The following EIF3E variants were observed in gnomAD, a reference collection of about 807,000 sequenced individuals.
EIF3E encodes the protein eukaryotic translation initiation factor 3 subunit E, also known as eIF-3 p48.
EIF3E carries 25 observed loss-of-function variants against 59.3 expected under a neutral mutation model. That is an observed-to-expected ratio of 0.42 (90% CI 0.31 to 0.59). EIF3E has a LOEUF of 0.59. EIF3E is among the 20% of genes least tolerant of loss of function. The pLI, the probability that EIF3E is intolerant of heterozygous loss-of-function variation, is 0.15. For missense variants in EIF3E, 317 were observed against 534.3 expected (o/e 0.59, Z 4.01); for synonymous variants, 176 against 170.2 (o/e 1.03, Z -0.26).
chr8:108,239,463 A>G (rs944273344), intron 3 of EIF3E, among the ~76,000 whole-genome samples: 1 of 152,120 alleles, frequency 6.6e-6, no homozygotes, highest in Non-Finnish European at 1.5e-5. Context: ...CCACCTCCCC[A>G]AGTGCTGAGA....
At chr8:108,221,616 T>C (rs1815414443) in intron 7 of EIF3E, 1 of 152,164 alleles carries the variant, frequency 6.6e-6, no homozygotes, top group African/African-American at 2.4e-5. Flanking sequence ...GGTAATAAAA[T>C]AACATATAAA....
intron 5 of EIF3E, among the ~76,000 whole-genome samples, chr8:108,231,208 T>C (rs1180338885): frequency 6.6e-6 from 1 of 152,184 alleles, no homozygotes; most frequent in Non-Finnish European, 1.5e-5. Context: ...TTATAAAGGA[T>C]ATCTGAATAT....
intron 4 of EIF3E, 112 bp from the exon 5 acceptor site, chr8:108,235,214 A>T: frequency 3.6e-6 from 2 of 560,406 alleles, no homozygotes; most frequent in Non-Finnish European, 5.9e-6. Context: ...ACCAACTTCT[A>T]ATGTATATTT....
chr8:108,217,297 AT>A (rs772576367), intron 8 of EIF3E, 36 bp downstream of exon 8: 109 of 1,418,268 alleles, frequency 7.7e-5, no homozygotes, highest in Admixed American at 1.3e-4. Context: ...AAGCTTAGGT[AT>A]TTAAAAAAAA....
chr8:108,242,464 C>T lies in EIF3E; in HGVS notation c.91-551G>A. On this transcript the variant is annotated intron_variant, in intron 1 of 12. Coordinates refer to ENST00000220849, the MANE Select transcript of EIF3E (RefSeq NM_001568.3). The stretch of plus-strand genomic sequence containing the variant: ...AAATAGATACATATACACAAACTCA[C>T]AACAACATGAAGTGTACTGAGTAAT... 9 of 1,283,792 alleles carry T rather than the reference C, an allele frequency of 7.0e-6. No individual in the cohort carries two copies. The South Asian group carries it at 1.1e-4, about 16-fold the overall frequency. The allele number at this position is 1,283,792 out of a possible 1,614,324, so 79.5% of individuals were successfully genotyped here. A position where few individuals can be genotyped will look rare whatever the true frequency, so the allele number is the denominator to read the frequency against.
At chr8:108,219,121 T>C (rs1190973452) in intron 7 of EIF3E, among the ~76,000 whole-genome samples, 1 of 152,158 alleles carries the variant, frequency 6.6e-6, no homozygotes, top group Admixed American at 6.5e-5. Context: ...ATGAGACTCA[T>C]CATTAATTTA....
chr8:108,209,982 G>T (rs1031143357), intron 10 of EIF3E, among the ~76,000 whole-genome samples: 1 of 151,876 alleles, frequency 6.6e-6, no homozygotes, highest in Admixed American at 6.6e-5. Flanking sequence ...AAAGGACATA[G>T]GGGGTCTTTT....
chr8:108,242,025 C>T (rs1007804268), intron 1 of EIF3E, 112 bp from the exon 2 acceptor site: 19 of 1,222,406 alleles, frequency 1.6e-5, no homozygotes, highest in South Asian at 1.6e-5. Flanking sequence ...TTATAAAATA[C>T]GATAAACCAT....
intron 7 of EIF3E, among the ~76,000 whole-genome samples, chr8:108,224,620 T>G (rs1054518396): frequency 6.6e-6 from 1 of 151,566 alleles, no homozygotes; most frequent in Non-Finnish European, 1.5e-5. Flanking sequence ...AACACAGTAC[T>G]TTTGTAAACA....
chr8:108,245,433 C>T (rs2129932372), intron 1 of EIF3E, among the ~76,000 whole-genome samples: 1 of 152,320 alleles, frequency 6.6e-6, no homozygotes, highest in African/African-American at 2.4e-5. Context: ...TGTGCCACTG[C>T]ACTCCAGCTT....
At chr8:108,215,162 G>A (rs1240494833) in intron 9 of EIF3E, among the ~76,000 whole-genome samples, 1 of 151,870 alleles carries the variant, frequency 6.6e-6, no homozygotes, top group Non-Finnish European at 1.5e-5. Context: ...TTAATTTCAA[G>A]AACAGCAACC....
intron 10 of EIF3E, among the ~76,000 whole-genome samples, chr8:108,210,503 C>T (rs1815185881): frequency 2.0e-5 from 3 of 152,076 alleles, no homozygotes. Flanking sequence ...CTCTGTTGGT[C>T]ATTATCACGG....
intron 8 of EIF3E, 33 bp downstream of exon 8, chr8:108,217,300 TA>T (rs11358208): frequency 0.49 from 645,674 of 1,317,976 alleles, 138,993 homozygotes; most frequent in African/African-American, 0.63. Context: ...CTTAGGTATT[TA>T]AAAAAAAAAA....
intron 7 of EIF3E, among the ~76,000 whole-genome samples, chr8:108,220,952 G>A (rs1266550009): frequency 2.0e-5 from 3 of 152,172 alleles, no homozygotes; most frequent in African/African-American, 7.2e-5. Flanking sequence ...TCTGAGCCCA[G>A]GGAGTGAGTG....
At chr8:108,222,849 T>TAA (rs768578317) in intron 7 of EIF3E, among the ~76,000 whole-genome samples, 83 of 144,444 alleles carry the variant, frequency 5.7e-4, no homozygotes, top group African/African-American at 1.9e-3. Flanking sequence ...TTTTTTTTTT[T>TAA]AAATAACAGA....
intron 10 of EIF3E, among the ~76,000 whole-genome samples, chr8:108,209,704 C>A (rs1199396394): frequency 6.6e-6 from 1 of 152,160 alleles, no homozygotes; most frequent in Non-Finnish European, 1.5e-5. Flanking sequence ...TGATACATAG[C>A]ATATTTGCCG....
chr8:108,225,912 T>TTTTTCC (rs1815507857), intron 7 of EIF3E, among the ~76,000 whole-genome samples: 1 of 152,198 alleles, frequency 6.6e-6, no homozygotes, highest in African/African-American at 2.4e-5. Flanking sequence ...CTATTATGTG[T>TTTTTCC]TAAATTGAAT....
At chr8:108,217,518 C>G in intron 7 of EIF3E, 58 bp from the exon 8 acceptor site, 3 of 1,425,350 alleles carry the variant, frequency 2.1e-6, no homozygotes, top group Non-Finnish European at 2.9e-6. Flanking sequence ...AAAGAAAACT[C>G]TCGAGCAGGT....
intron 10 of EIF3E, among the ~76,000 whole-genome samples, chr8:108,204,746 TAGAGAGAGAGAGAGAGAG>T (rs1180256994): frequency 1.8e-5 from 2 of 113,688 alleles, no homozygotes; most frequent in Admixed American, 8.8e-5. Context: ...TATATATATA[TAGAGAGAGAGAGAGAGAG>T]AGAGAGAGAG....
Sources: allele counts gnomAD v4.1 joint callset (sites outside exome capture counted in the v4.1 genomes callset), GRCh38; gene constraint gnomAD v4.1.1; transcripts MANE v1.5; gene names NCBI Gene and HGNC (gene_info 2026-07-23, HGNC 2026-07-21).